The following CCDC73 variants were observed in gnomAD, a reference collection of about 807,000 sequenced individuals.
CCDC73 encodes the protein coiled-coil domain containing 73.
In CCDC73, 95 loss-of-function variants were observed where a neutral mutation model predicts 116.5. The observed-to-expected ratio is 0.82, with a 90% CI of 0.69 to 0.97. The LOEUF (loss-of-function observed/expected upper bound fraction) is 0.97. CCDC73 is among the 50% of genes least tolerant of loss of function. CCDC73 has a pLI of 0.00. For missense variants in CCDC73, 1,066 were observed against 1,206.8 expected (o/e 0.88, Z 1.73); for synonymous variants, 398 against 401.3 (o/e 0.99, Z 0.10).
intron 14 of CCDC73, among the ~76,000 whole-genome samples, chr11:32,629,315 C>G (rs1855606056): frequency 2.0e-5 from 3 of 151,990 alleles, no homozygotes; most frequent in Admixed American, 2.0e-4. Context: ...AAATTCCAAG[C>G]AAGATATGCA....
intron 9 of CCDC73, among the ~76,000 whole-genome samples, chr11:32,656,247 T>C (rs1348483573): frequency 1.3e-5 from 2 of 151,988 alleles, no homozygotes; most frequent in African/African-American, 4.8e-5. Flanking sequence ...CCGGCTAATT[T>C]TTTTTGTATT....
At chr11:32,699,623 T>C (rs1212964398) in intron 5 of CCDC73, among the ~76,000 whole-genome samples, 2 of 151,786 alleles carry the variant, frequency 1.3e-5, no homozygotes, top group Admixed American at 1.3e-4. Context: ...CAGCAAACTA[T>C]CACAAGGACA....
intron 2 of CCDC73, among the ~76,000 whole-genome samples, chr11:32,720,032 CACAT>C (rs1849977019): frequency 6.6e-6 from 1 of 152,114 alleles, no homozygotes; most frequent in Non-Finnish European, 1.5e-5. Context: ...GAGGAGGAAA[CACAT>C]ACTAACTGAT....
chr11:32,708,950 T>C (rs1260069758), intron 3 of CCDC73, among the ~76,000 whole-genome samples: 2 of 152,210 alleles, frequency 1.3e-5, no homozygotes, highest in Admixed American at 6.6e-5. Flanking sequence ...CTATGTTGAA[T>C]AGAAGTGGTG....
chr11:32,717,694 T>A (rs1255110604), intron 3 of CCDC73, among the ~76,000 whole-genome samples: 1 of 152,162 alleles, frequency 6.6e-6, no homozygotes, highest in African/African-American at 2.4e-5. Context: ...AGAAAAAAAA[T>A]ACTCACTGTA....
intron 3 of CCDC73, among the ~76,000 whole-genome samples, chr11:32,710,887 A>G (rs1029948666): frequency 5.9e-5 from 9 of 152,238 alleles, no homozygotes; most frequent in Admixed American, 3.9e-4. Context: ...TAATTAAACT[A>G]AAAAGATTCT....
At position 32,654,879 on chromosome 11, in the gene CCDC73, GTTCT is replaced by G. The variant is rs1855856986; in HGVS notation, c.735_738del (p.Lys245AsnfsTer17). 6.3e-7 allele frequency: 1 copy of G among 1,589,194 alleles called. No homozygotes were observed. Among genetic ancestry groups the G allele is most frequent in the African/African-American group, 1.4e-5 (1 of 73,680 alleles). ...CTTTCTTGAAGTTCTTGAAATTTTTGTTCTTTAATTGTTAGATTGATGTTTTCTT... is the reference window on the plus strand; with the variant it reads ...CTTTCTTGAAGTTCTTGAAATTTTTGTTAATTGTTAGATTGATGTTTTCTT... On this transcript the variant is annotated frameshift_variant, in exon 10 of 18. Transcript: ENST00000335185. LOFTEE classifies it high-confidence loss of function.
chr11:32,748,548 T>C (rs1284781670), intron 2 of CCDC73, among the ~76,000 whole-genome samples: 2 of 152,230 alleles, frequency 1.3e-5, no homozygotes, highest in African/African-American at 4.8e-5. Context: ...TTTTAATTGG[T>C]TCATCTTTTC....
chr11:32,665,968 A>G (rs1003454484), intron 9 of CCDC73, among the ~76,000 whole-genome samples: 2 of 152,184 alleles, frequency 1.3e-5, no homozygotes, highest in African/African-American at 4.8e-5. Context: ...ATTTTCTTTA[A>G]GAATGTTGAA....
At chr11:32,606,450 G>T (rs1338548265) in intron 17 of CCDC73, among the ~76,000 whole-genome samples, 1 of 152,148 alleles carries the variant, frequency 6.6e-6, no homozygotes, top group Non-Finnish European at 1.5e-5. Flanking sequence ...TTTATAAGGA[G>T]ATCTACTTTT....
chr11:32,702,028 CTT>C (rs1431119874), intron 4 of CCDC73, among the ~76,000 whole-genome samples: 2 of 152,180 alleles, frequency 1.3e-5, no homozygotes, highest in African/African-American at 2.4e-5. Context: ...CTATGCTACA[CTT>C]TTGGCTTTTG....
In CCDC73 at chr11:32,783,164, G is replaced by GA. The variant is rs1026338175; in HGVS notation, c.-16+11448dup. 5.8e-4 allele frequency among the ~76,000 whole-genome samples: 85 copies of GA among 146,850 alleles called. 1 individual carries two copies. The Middle Eastern group carries it at 0.01, about 18-fold the overall frequency. ...AAAGATCCTATATGCTTCCAGAAAG[G>GA]AAAAAAAAAATCATAAAAAAGATCA... On this transcript the variant is annotated intron_variant, in intron 1 of 17. Coordinates refer to ENST00000335185, the MANE Select transcript of CCDC73 (RefSeq NM_001008391.4).
At chr11:32,626,316 G>A (rs1855573192) in intron 14 of CCDC73, among the ~76,000 whole-genome samples, 1 of 151,780 alleles carries the variant, frequency 6.6e-6, no homozygotes, top group South Asian at 2.1e-4. Flanking sequence ...ACTGCTCAAG[G>A]AAATAAAAGA....
the CCDC73 span, among the ~76,000 whole-genome samples, chr11:32,803,457 AC>A: frequency 2.0e-5 from 3 of 152,236 alleles, no homozygotes; most frequent in Non-Finnish European, 2.9e-5. Flanking sequence ...AACAGCATGC[AC>A]CTTTTAGTAA....
chr11:32,814,344 T>C, the CCDC73 span, among the ~76,000 whole-genome samples: 15,624 of 152,210 alleles, frequency 0.1, 853 homozygotes, highest in Non-Finnish European at 0.13. Context: ...TATTGCAGGC[T>C]AGCTAGAAAT....
chr11:32,781,473 AG>A lies in CCDC73; in HGVS notation c.-16+13139del, dbSNP rs1221244343. ...TCTTTCTCCCCTCCCCTGCCAACAGAGTCTGCTGATACCAGGTACCTCTAAA... is the reference window on the plus strand; with the variant it reads ...TCTTTCTCCCCTCCCCTGCCAACAGATCTGCTGATACCAGGTACCTCTAAA... On this transcript the variant is annotated intron_variant, in intron 1 of 17. Coordinates refer to ENST00000335185, the MANE Select transcript of CCDC73 (RefSeq NM_001008391.4). Among the ~76,000 whole-genome samples the A allele has an allele frequency of 1.9e-4, 29 of 152,176 alleles. 1 individual carries two copies. Among genetic ancestry groups the A allele is most frequent in the Non-Finnish European group, 7.3e-5 (5 of 68,032 alleles).
intron 6 of CCDC73, among the ~76,000 whole-genome samples, chr11:32,685,691 G>A (rs1565075739): frequency 2.0e-5 from 3 of 151,398 alleles, no homozygotes; most frequent in Admixed American, 1.3e-4. Flanking sequence ...AGAGTTCTGA[G>A]GACGAATGTG....
At chr11:32,745,287 T>C (rs1195645593) in intron 2 of CCDC73, among the ~76,000 whole-genome samples, 1 of 152,200 alleles carries the variant, frequency 6.6e-6, no homozygotes, top group Non-Finnish European at 1.5e-5. Flanking sequence ...TTGTGATTTC[T>C]GTTCTTTTAC....
intron 6 of CCDC73, among the ~76,000 whole-genome samples, chr11:32,697,553 C>T (rs1003590981): frequency 2.9e-4 from 43 of 147,090 alleles, no homozygotes; most frequent in Admixed American, 1.8e-3. Flanking sequence ...ACGTAATCTC[C>T]GCTCACTGCA....
Sources: gnomAD v4.1 joint callset for allele counts (sites outside exome capture counted in the v4.1 genomes callset) on GRCh38, gnomAD v4.1.1 for gene constraint, MANE v1.5 for transcripts, NCBI Gene and HGNC (gene_info 2026-07-23, HGNC 2026-07-21) for gene names.